The following VPS13D variants were observed in gnomAD, a reference collection of about 807,000 sequenced individuals.
VPS13D encodes the protein intermembrane lipid transfer protein VPS13D.
In VPS13D, 187 loss-of-function variants were observed where a neutral mutation model predicts 461.9. The ratio of observed to expected loss-of-function variants is 0.40; its 90% confidence interval spans 0.36 to 0.46. The LOEUF is 0.46. Among genes scored for constraint, VPS13D ranks in the 20% least tolerant of loss-of-function variants. VPS13D has a pLI of 0.60. For synonymous variants in VPS13D, 1,951 were observed against 1,986.3 expected, an observed-to-expected ratio of 0.98 and a Z score of 0.47; for missense variants, 4,711 against 5,364.9, an observed-to-expected ratio of 0.88 and a Z score of 3.81.
intron 60 of VPS13D, 76 bp from the exon 61 acceptor site, chr1:12,400,105 C>A: frequency 1.9e-6 from 3 of 1,538,816 alleles, no homozygotes; most frequent in Non-Finnish European, 2.6e-6. Flanking sequence ...TTATGAGGCC[C>A]CACTCAAGCG....
Position 12,356,166 on chromosome 1 carries a change from A to G in VPS13D, c.9871+76A>G, listed in dbSNP as rs1643884272. ...CAGATTTATTTGCTTAGCTAACTAAATGGAGCCAATGCAAATAGATTACTT... is the reference window on the plus strand; with the variant it reads ...CAGATTTATTTGCTTAGCTAACTAAGTGGAGCCAATGCAAATAGATTACTT... On this transcript the variant is annotated intron_variant, in intron 48 of 69. Coordinates refer to ENST00000620676, the MANE Select transcript of VPS13D (RefSeq NM_015378.4). The G allele has an allele frequency of 4.7e-6, 7 of 1,500,940 alleles. No homozygotes were observed. The East Asian group carries it at 1.6e-4, about 34-fold the overall frequency. 93.0% of individuals were successfully genotyped at this position (1,500,940 alleles called of 1,614,324 possible). A position where few individuals can be genotyped will look rare whatever the true frequency, so the allele number is the denominator to read the frequency against.
At chr1:12,321,569 T>G (rs1248302870) in intron 32 of VPS13D, among the ~76,000 whole-genome samples, 2 of 152,154 alleles carry the variant, frequency 1.3e-5, no homozygotes, top group Non-Finnish European at 2.9e-5. Context: ...GATCAAAGGG[T>G]GTGAGATTTG....
intron 65 of VPS13D, among the ~76,000 whole-genome samples, chr1:12,423,363 A>G (rs1644886057): frequency 3.3e-5 from 5 of 152,212 alleles, no homozygotes; most frequent in Admixed American, 3.3e-4. Context: ...TTTATTCTAG[A>G]CATGCCTCTA....
Position 12,386,188 on chromosome 1 carries a change from C to T in VPS13D, c.11488C>T (p.Leu3830Phe). 1 of 1,609,812 alleles carries T rather than the reference C, an allele frequency of 6.2e-7. No homozygotes were observed. Among genetic ancestry groups the T allele is most frequent in the South Asian group, 1.1e-5 (1 of 90,234 alleles). ...CCATATTTTGGTTTCCTTTCAGGTGCTTGTGAGGTTAGAAGGTGGAATTGG... is the reference window on the plus strand; with the variant it reads ...CCATATTTTGGTTTCCTTTCAGGTGTTTGTGAGGTTAGAAGGTGGAATTGG... ...NPDTEQELEV[L>F]VRLEGGIGLS... The change falls in exon 60 of 70, where the codon CTT becomes TTT. Residue 3830 changes from leucine (L) to phenylalanine (F), a missense_variant. Transcript: ENST00000620676.
chr1:12,262,014 C>T lies in VPS13D; in HGVS notation c.1528C>T (p.Leu510=), dbSNP rs749175162. The T allele has an allele frequency of 1.5e-5, 25 of 1,614,150 alleles. No homozygotes were observed. The South Asian group carries it at 2.7e-4, about 18-fold the overall frequency. The part of the protein sequence containing the change: ...NLQLQRGTVT[L]LHKEQGTPQM... ...GCAGTTGCAGCGAGGTACAGTGACT[C>T]TGTTACACAAGGAGCAAGGAACTCC... The change falls in exon 13 of 70, where the codon CTG becomes TTG. Residue 510 remains leucine (L), a synonymous_variant. Transcript: ENST00000620676.
intron 21 of VPS13D, among the ~76,000 whole-genome samples, chr1:12,285,867 A>C (rs1641950187): frequency 1.3e-5 from 2 of 152,118 alleles, no homozygotes; most frequent in South Asian, 2.1e-4. Context: ...TGCTTTTGTA[A>C]GCCAAAGTTT....
At chr1:12,342,726 A>G (rs1643596957) in intron 41 of VPS13D, 173 bp from the exon 42 acceptor site, 1 of 591,556 alleles carries the variant, frequency 1.7e-6, no homozygotes, top group South Asian at 4.6e-5. Context: ...GTGATTCAGC[A>G]CGAAGATAGC....
chr1:12,418,902 G>A (rs545633681), intron 65 of VPS13D, among the ~76,000 whole-genome samples: 1 of 152,328 alleles, frequency 6.6e-6, no homozygotes, highest in Non-Finnish European at 1.5e-5. Flanking sequence ...TGAAGAAGCT[G>A]TTCAAGTGCC....
chr1:12,265,596 A>G (rs1423083150), intron 13 of VPS13D, among the ~76,000 whole-genome samples: 3 of 152,260 alleles, frequency 2.0e-5, no homozygotes, highest in African/African-American at 7.2e-5. Context: ...AAGGAGGTCA[A>G]AATATCAGCA....
intron 5 of VPS13D, among the ~76,000 whole-genome samples, chr1:12,247,802 C>T (rs1212817075): frequency 6.6e-6 from 1 of 151,054 alleles, no homozygotes; most frequent in Non-Finnish European, 1.5e-5. Context: ...CTCCCGGATT[C>T]AAGCGATTCT....
At chr1:12,445,541 G>T (rs141144300) in intron 65 of VPS13D, among the ~76,000 whole-genome samples, 2 of 152,278 alleles carry the variant, frequency 1.3e-5, no homozygotes, top group African/African-American at 2.4e-5. Flanking sequence ...ACCCTTTGTG[G>T]ATTGAGAGAT....
At chr1:12,337,197 G>A (rs1643470296) in intron 39 of VPS13D, 1 of 152,222 alleles carries the variant, frequency 6.6e-6, no homozygotes, top group South Asian at 2.1e-4. Flanking sequence ...TTATAAAAGT[G>A]TAATCTATCT....
In VPS13D at chr1:12,348,966, T is replaced by C; in HGVS notation, c.9213T>C (p.Ala3071=). ...PMELRLDSPS[A]PDKPVVLPAI... ...AACTAAGACTGGATAGCCCATCAGC[T>C]CCAGACAGTATGTTTTGATTGTCTA... Residue 3071 remains alanine, a synonymous_variant, in exon 45 of 70, where the codon GCT becomes GCC. Coordinates refer to ENST00000620676, the MANE Select transcript of VPS13D (RefSeq NM_015378.4). 6.2e-7 allele frequency: 1 copy of C among 1,614,180 alleles called. No individual in the cohort carries two copies.
intron 25 of VPS13D, among the ~76,000 whole-genome samples, chr1:12,302,867 G>C (rs1466257597): frequency 7.9e-6 from 1 of 127,322 alleles, no homozygotes; most frequent in African/African-American, 3.0e-5. Flanking sequence ...TCACTAGTAC[G>C]TTCTTGGTGA....
intron 14 of VPS13D, 77 bp from the exon 15 acceptor site, chr1:12,267,768 A>C: frequency 1.6e-6 from 2 of 1,279,000 alleles, no homozygotes; most frequent in South Asian, 2.4e-5. Context: ...GTGTTGCTGA[A>C]GGGTAAGATG....
chr1:12,385,328 A>G lies in VPS13D; in HGVS notation c.11439A>G (p.Gln3813=). Reference sequence around the variant, plus strand: ...TGGATGAACTTCCTGTCACCGAACAAGAGCTGCAGAAATTAAAGAATCCAG... The same window carrying G: ...TGGATGAACTTCCTGTCACCGAACAGGAGCTGCAGAAATTAAAGAATCCAG... ...YEVDELPVTE[Q]ELQKLKNPDT... Residue 3813 remains glutamine (Q), a synonymous_variant, in exon 59 of 70, where the codon CAA becomes CAG. Transcript: ENST00000620676. The G allele has an allele frequency of 6.2e-7, 1 of 1,614,028 alleles. No individual in the cohort carries two copies. Among genetic ancestry groups the G allele is most frequent in the Non-Finnish European group, 8.5e-7 (1 of 1,179,922 alleles).
chr1:12,367,828 C>G (rs983282327), intron 52 of VPS13D: 2 of 152,170 alleles, frequency 1.3e-5, no homozygotes, highest in African/African-American at 2.4e-5. Context: ...AGGATGGTCT[C>G]GATCTCCTGA....
intron 34 of VPS13D, among the ~76,000 whole-genome samples, chr1:12,323,489 A>C (rs1430770808): frequency 6.6e-6 from 1 of 151,132 alleles, no homozygotes; most frequent in Non-Finnish European, 1.5e-5. Context: ...ATTCCTGGCC[A>C]GGACACCACT....
At chr1:12,450,035 A>G (rs1645241869) in intron 65 of VPS13D, among the ~76,000 whole-genome samples, 1 of 152,038 alleles carries the variant, frequency 6.6e-6, no homozygotes, top group Non-Finnish European at 1.5e-5. Flanking sequence ...AGGCATGAGA[A>G]CCGCTTGAAC....
Sources: gnomAD v4.1 joint callset for allele counts (sites outside exome capture counted in the v4.1 genomes callset) on GRCh38, gnomAD v4.1.1 for gene constraint, MANE v1.5 for transcripts, NCBI Gene and HGNC (gene_info 2026-07-23, HGNC 2026-07-21) for gene names.